Variants in DENND5B observed in about 807,000 individuals in gnomAD.
The protein encoded by DENND5B is DENN domain-containing protein 5B.
DENND5B carries 34 observed loss-of-function variants against 140.6 expected under a neutral mutation model. That is an observed-to-expected ratio of 0.24 (90% CI 0.18 to 0.32). DENND5B has a LOEUF of 0.32. Among genes scored for constraint, DENND5B ranks in the 10% least tolerant of loss-of-function variants. The probability of loss-of-function intolerance (pLI) is 1.00; values close to 1 mark genes in which losing one functional copy is unlikely to be tolerated. For synonymous variants in DENND5B, 551 were observed against 562.1 expected (o/e 0.98, Z 0.28); for missense variants, 1,142 against 1,560.2 (o/e 0.73, Z 4.52).
chr12:31,500,366 A>G (rs957091454), intron 1 of DENND5B: 14 of 454,148 alleles, frequency 3.1e-5, no homozygotes, highest in Non-Finnish European at 5.7e-5. Flanking sequence ...TGACAGTAAG[A>G]CTAAATGACC....
At chr12:31,565,795 T>C (rs1479623923) in intron 1 of DENND5B, among the ~76,000 whole-genome samples, 1 of 152,184 alleles carries the variant, frequency 6.6e-6, no homozygotes, top group East Asian at 1.9e-4. Context: ...TTAACGTCTC[T>C]AAACATGATT....
intron 3 of DENND5B, among the ~76,000 whole-genome samples, chr12:31,461,110 G>T (rs2138259160): frequency 6.6e-6 from 1 of 151,564 alleles, no homozygotes; most frequent in African/African-American, 2.4e-5. Flanking sequence ...GAGACAGTCT[G>T]GCCCCGTCGC....
intron 3 of DENND5B, chr12:31,465,242 C>T (rs1007077794): frequency 6.6e-6 from 1 of 152,324 alleles, no homozygotes; most frequent in African/African-American, 2.4e-5. Context: ...CTGTGTCTAG[C>T]AAGGCTTATG....
chr12:31,566,004 G>T (rs576913959), intron 1 of DENND5B, among the ~76,000 whole-genome samples: 1 of 152,110 alleles, frequency 6.6e-6, no homozygotes, highest in African/African-American at 2.4e-5. Context: ...AATTAGCTGG[G>T]CATGGTGGCA....
intron 1 of DENND5B, among the ~76,000 whole-genome samples, chr12:31,586,629 G>A (rs1436744891): frequency 1.3e-5 from 2 of 152,164 alleles, no homozygotes; most frequent in Non-Finnish European, 2.9e-5. Flanking sequence ...TTGAAGCCTT[G>A]ATAAGTTTTA....
At chr12:31,424,751 T>C in intron 9 of DENND5B, 64 bp from the exon 10 acceptor site, 1 of 1,571,952 alleles carries the variant, frequency 6.4e-7, no homozygotes, top group Non-Finnish European at 8.6e-7. Context: ...ACAAGTCAAT[T>C]ACTAAAGTAG....
chr12:31,523,657 T>C (rs1947984896), intron 1 of DENND5B, among the ~76,000 whole-genome samples: 3 of 151,592 alleles, frequency 2.0e-5, no homozygotes, highest in African/African-American at 4.8e-5. Context: ...TGCCATTAAA[T>C]TGTACACTTC....
At chr12:31,499,691 CA>C in intron 1 of DENND5B, 1 of 1,427,076 alleles carries the variant, frequency 7.0e-7, no homozygotes. Context: ...GTAACAGAAA[CA>C]AAAAAGCTTT....
chr12:31,518,770 G>C (rs1261368978), intron 1 of DENND5B, among the ~76,000 whole-genome samples: 2 of 151,072 alleles, frequency 1.3e-5, no homozygotes, highest in East Asian at 1.9e-4. Flanking sequence ...GCCTCATGCT[G>C]TGCTAATTTA....
intron 1 of DENND5B, among the ~76,000 whole-genome samples, chr12:31,502,664 G>A (rs1947054665): frequency 6.6e-6 from 1 of 152,104 alleles, no homozygotes; most frequent in Non-Finnish European, 1.5e-5. Flanking sequence ...AAGAGAGCTT[G>A]CTATCCACAC....
intron 6 of DENND5B, among the ~76,000 whole-genome samples, chr12:31,445,298 C>T (rs56207194): frequency 0.076 from 11,531 of 152,262 alleles, 630 homozygotes; most frequent in Non-Finnish European, 0.12. Flanking sequence ...GACCTGGATT[C>T]AAACCATGGC....
At chr12:31,459,378 C>T (rs1944917777) in intron 4 of DENND5B, among the ~76,000 whole-genome samples, 1 of 152,082 alleles carries the variant, frequency 6.6e-6, no homozygotes, top group African/African-American at 2.4e-5. Flanking sequence ...AAACCTATAC[C>T]TCTAGGGTTC....
intron 5 of DENND5B, among the ~76,000 whole-genome samples, chr12:31,451,267 C>T (rs1000344906): frequency 3.3e-5 from 5 of 152,028 alleles, no homozygotes; most frequent in Non-Finnish European, 7.4e-5. Context: ...TAAGGTTAAA[C>T]AGTATTAACA....
intron 8 of DENND5B, chr12:31,432,723 T>C (rs1203432244): frequency 6.5e-6 from 1 of 153,550 alleles, no homozygotes; most frequent in Non-Finnish European, 1.4e-5. Context: ...CTTTCAAAAA[T>C]ATAAAGTAGA....
At chr12:31,420,571 A>G (rs7302238) in intron 11 of DENND5B, among the ~76,000 whole-genome samples, 140,230 of 152,058 alleles carry the variant, frequency 0.92, 65,251 homozygotes, top group East Asian at 0.99. Flanking sequence ...AGCCTCCTGA[A>G]TAGTTGGGAT....
At chr12:31,554,391 C>T (rs987051334) in intron 1 of DENND5B, among the ~76,000 whole-genome samples, 3 of 152,022 alleles carry the variant, frequency 2.0e-5, no homozygotes, top group African/African-American at 4.8e-5. Context: ...GAATATTGGC[C>T]CCCACTCTCT....
At chr12:31,419,780 C>T (rs1210085416) in intron 11 of DENND5B, among the ~76,000 whole-genome samples, 1 of 151,786 alleles carries the variant, frequency 6.6e-6, no homozygotes, top group African/African-American at 2.4e-5. Context: ...TTGAGACCAG[C>T]CTGGCCAACA....
chr12:31,538,603 A>G (rs943268522), intron 1 of DENND5B, among the ~76,000 whole-genome samples: 1 of 152,224 alleles, frequency 6.6e-6, no homozygotes, highest in Non-Finnish European at 1.5e-5. Flanking sequence ...GCAGTGGCTC[A>G]CGCCTGTAAT....
chr12:31,439,892 T>C (rs966947233), intron 7 of DENND5B, among the ~76,000 whole-genome samples: 1 of 118,832 alleles, frequency 8.4e-6, no homozygotes. Flanking sequence ...ATCGTACCAT[T>C]GCACTCTGGC....
Sources: allele counts gnomAD v4.1 joint callset (sites outside exome capture counted in the v4.1 genomes callset), GRCh38; gene constraint gnomAD v4.1.1; transcripts MANE v1.5; gene names NCBI Gene and HGNC (gene_info 2026-07-23, HGNC 2026-07-21).